Variants in MCPH1 observed in about 807,000 individuals in gnomAD.
The protein encoded by MCPH1 is microcephalin 1.
In MCPH1, 104 loss-of-function variants were observed where a neutral mutation model predicts 84.5. That is an observed-to-expected ratio of 1.23 (90% CI 1.05 to 1.45). The LOEUF (loss-of-function observed/expected upper bound fraction) is 1.45. Ranked by LOEUF, MCPH1 falls within the 40% of genes most tolerant of loss-of-function variation. The pLI is 0.00. For missense variants in MCPH1, 1,498 were observed against 1,005.7 expected, an observed-to-expected ratio of 1.49 and a Z score of -6.62; for synonymous variants, 514 against 366.8, an observed-to-expected ratio of 1.40 and a Z score of -4.58.
chr8:6,577,549 C>A (rs1290684907), intron 12 of MCPH1, among the ~76,000 whole-genome samples: 6 of 152,240 alleles, frequency 3.9e-5, no homozygotes, highest in African/African-American at 1.4e-4. Context: ...CTTTTCAAGA[C>A]AACTTTAGAA....
At chr8:6,526,806 G>A (rs1206975337) in intron 12 of MCPH1, among the ~76,000 whole-genome samples, 1 of 152,092 alleles carries the variant, frequency 6.6e-6, no homozygotes, top group Non-Finnish European at 1.5e-5. Flanking sequence ...GGCACACCAG[G>A]TATGTGCATA....
chr8:6,425,633 C>A (rs1234889334), intron 3 of MCPH1, among the ~76,000 whole-genome samples: 1 of 152,232 alleles, frequency 6.6e-6, no homozygotes, highest in South Asian at 2.1e-4. Context: ...ACATCTTCCA[C>A]AACTGTATAA....
chr8:6,419,928 T>C (rs192300506), intron 3 of MCPH1, among the ~76,000 whole-genome samples: 2 of 152,236 alleles, frequency 1.3e-5, no homozygotes, highest in Admixed American at 1.3e-4. Flanking sequence ...TTAAAATAGA[T>C]TTTTAAAATG....
At chr8:6,517,159 A>C (rs144753746) in intron 12 of MCPH1, among the ~76,000 whole-genome samples, 113 of 152,342 alleles carry the variant, frequency 7.4e-4, no homozygotes, top group African/African-American at 2.5e-3. Context: ...AGGATCAGCA[A>C]AGCAGAAGTC....
Position 6,476,370 on chromosome 8 carries a change from A to G in MCPH1, c.1936-1224A>G, listed in dbSNP as rs191459598. ...CTTGAACCCGGGAGATGGAGGTTGCAGTGAGCCGAGATTGCACCATTGCAC... is the reference window on the plus strand; with the variant it reads ...CTTGAACCCGGGAGATGGAGGTTGCGGTGAGCCGAGATTGCACCATTGCAC... On this transcript the variant is annotated intron_variant, in intron 9 of 13. Coordinates refer to ENST00000344683, the MANE Select transcript of MCPH1 (RefSeq NM_024596.5). 1.3e-3 allele frequency among the ~76,000 whole-genome samples: 189 copies of G among 150,566 alleles called. 3 individuals carry two copies. In the East Asian group the frequency reaches 0.032, roughly 25 times the overall value.
At position 6,445,202 on chromosome 8, in the gene MCPH1, G is replaced by A. The variant is rs183880522; in HGVS notation, c.1480G>A (p.Ala494Thr). 1,008 of 1,614,238 alleles carry A rather than the reference G, an allele frequency of 6.2e-4. 2 individuals carry two copies. The highest frequency in any genetic ancestry group is 6.3e-4 in the Non-Finnish European group (748 of 1,180,046). Residue 494 changes from alanine to threonine, a missense_variant, in exon 8 of 14, where the codon GCA (alanine) becomes ACA (threonine). Transcript: ENST00000344683. ...PRKTGNGEGR[A>T]TSSCVTSAPE... ...GAAAACTGGAAATGGTGAAGGCCGTGCAACTTCGAGTTGCGTGACTTCTGC... is the reference window on the plus strand; with the variant it reads ...GAAAACTGGAAATGGTGAAGGCCGTACAACTTCGAGTTGCGTGACTTCTGC...
intron 9 of MCPH1, among the ~76,000 whole-genome samples, chr8:6,475,326 C>T (rs1808305770): frequency 6.6e-6 from 1 of 152,240 alleles, no homozygotes; most frequent in African/African-American, 2.4e-5. Flanking sequence ...CAGCCTGATG[C>T]TTTGTTCTCT....
chr8:6,558,106 C>G (rs1258399696), intron 12 of MCPH1, among the ~76,000 whole-genome samples: 2 of 152,150 alleles, frequency 1.3e-5, no homozygotes, highest in Non-Finnish European at 1.5e-5. Flanking sequence ...CTTCCAACCT[C>G]TCGTCATGTC....
intron 8 of MCPH1, chr8:6,446,087 T>C: frequency 1.0e-6 from 1 of 978,918 alleles, no homozygotes; most frequent in African/African-American, 1.7e-5. Flanking sequence ...CATTTAAACA[T>C]TTTTGATCAT....
At chr8:6,435,016 GAAAC>G (rs1245877147) in intron 4 of MCPH1, among the ~76,000 whole-genome samples, 1 of 152,142 alleles carries the variant, frequency 6.6e-6, no homozygotes, top group Non-Finnish European at 1.5e-5. Context: ...TGTTTCAAAG[GAAAC>G]ATTTCCCCTG....
intron 11 of MCPH1, among the ~76,000 whole-genome samples, chr8:6,497,480 C>T (rs960568869): frequency 1.3e-4 from 20 of 151,998 alleles, no homozygotes; most frequent in Admixed American, 5.9e-4. Context: ...CCAGCCTGGG[C>T]GACAGAGGAA....
At chr8:6,446,907 G>C in intron 8 of MCPH1, 1 of 985,352 alleles carries the variant, frequency 1.0e-6, no homozygotes, top group Non-Finnish European at 1.2e-6. Context: ...TCCGGGGTTG[G>C]GGGTAAGTAG....
intron 5 of MCPH1, among the ~76,000 whole-genome samples, chr8:6,436,754 G>C (rs921744364): frequency 1.3e-5 from 2 of 151,800 alleles, no homozygotes; most frequent in African/African-American, 4.8e-5. Context: ...CGGATCACGA[G>C]GTCAGGAGAT....
chr8:6,420,088 G>A (rs1166944736), intron 3 of MCPH1, among the ~76,000 whole-genome samples: 1 of 151,388 alleles, frequency 6.6e-6, no homozygotes, highest in African/African-American at 2.4e-5. Context: ...TCTCGTTTGC[G>A]TTTTGTTTCT....
At chr8:6,638,553 C>T (rs527685356) in intron 13 of MCPH1, among the ~76,000 whole-genome samples, 1 of 150,778 alleles carries the variant, frequency 6.6e-6, no homozygotes, top group African/African-American at 2.4e-5. Context: ...CCTGCCAAGA[C>T]CTGCTAAATA....
chr8:6,617,898 C>CT lies in MCPH1; in HGVS notation c.2215-3555dup, dbSNP rs1467270425. 4.1e-4 allele frequency among the ~76,000 whole-genome samples: 56 copies of CT among 136,946 alleles called. 1 individual carries two copies. The East Asian group carries it at 6.9e-3, about 17-fold the overall frequency. 89.8% of individuals were successfully genotyped at this position (136,946 alleles called of 152,430 possible). On this transcript the variant is annotated intron_variant, in intron 12 of 13. Transcript: ENST00000344683. The stretch of plus-strand genomic sequence containing the variant: ...ATCATCCATCTATCTATCTATCTAT[C>CT]TAATCTATCTATCTATCTATCTATC...
In MCPH1 at chr8:6,422,151, A is replaced by G. The variant is rs7844807; in HGVS notation, c.233+7268A>G. On this transcript the variant is annotated intron_variant, in intron 3 of 13. Transcript: ENST00000344683. The stretch of plus-strand genomic sequence containing the variant: ...ATCTAATCATGCATTTTGTCTTTCT[A>G]TTGTAATGTGGATTCCAAGAGCAGC... Among the ~76,000 whole-genome samples, 1,304 of 152,240 alleles carry G rather than the reference A, an allele frequency of 8.6e-3. 26 individuals are homozygous for G. Among genetic ancestry groups the G allele is most frequent in the African/African-American group, 0.029 (1,223 of 41,538 alleles).
intron 9 of MCPH1, among the ~76,000 whole-genome samples, chr8:6,464,284 A>G (rs1479498147): frequency 6.6e-6 from 1 of 152,148 alleles, no homozygotes; most frequent in East Asian, 1.9e-4. Flanking sequence ...GCTCGTTGTA[A>G]CAGGTGTGGG....
At chr8:6,579,385 T>C (rs1436944221) in intron 12 of MCPH1, among the ~76,000 whole-genome samples, 3 of 152,218 alleles carry the variant, frequency 2.0e-5, no homozygotes, top group Non-Finnish European at 4.4e-5. Flanking sequence ...GAAATTATGG[T>C]GGTCAGCCCT....
Sources: allele counts gnomAD v4.1 joint callset (sites outside exome capture counted in the v4.1 genomes callset), GRCh38; gene constraint gnomAD v4.1.1; transcripts MANE v1.5; gene names NCBI Gene and HGNC (gene_info 2026-07-23, HGNC 2026-07-21).